The following ADAMTSL1 variants were observed in gnomAD, a reference collection of about 807,000 sequenced individuals.
ADAMTSL1 encodes ADAMTS-like protein 1.
ADAMTSL1 carries 126 observed loss-of-function variants against 201.8 expected under a neutral mutation model. The observed-to-expected ratio is 0.62, with a 90% CI of 0.54 to 0.72. The LOEUF is 0.72. ADAMTSL1 is among the 30% of genes least tolerant of loss of function. ADAMTSL1 has a pLI of 0.00. For synonymous variants in ADAMTSL1, 1,121 were observed against 903.4 expected, an observed-to-expected ratio of 1.24 and a Z score of -4.32; for missense variants, 2,679 against 2,277.8, an observed-to-expected ratio of 1.18 and a Z score of -3.59.
At chr9:18,636,750 T>A (rs901058752) in intron 6 of ADAMTSL1, among the ~76,000 whole-genome samples, 5 of 152,138 alleles carry the variant, frequency 3.3e-5, no homozygotes, top group African/African-American at 1.2e-4. Context: ...TTATAGGCTA[T>A]AAACAAAGAA....
At chr9:18,527,545 C>G (rs1035753602) in intron 2 of ADAMTSL1, among the ~76,000 whole-genome samples, 1 of 152,026 alleles carries the variant, frequency 6.6e-6, no homozygotes, top group African/African-American at 2.4e-5. Context: ...AGTTGTTTGA[C>G]CCTAGAGAAA....
intron 1 of ADAMTSL1, among the ~76,000 whole-genome samples, chr9:18,114,094 G>A (rs1371252209): frequency 6.6e-6 from 1 of 152,126 alleles, no homozygotes; most frequent in Non-Finnish European, 1.5e-5. Context: ...TAGAATCTTA[G>A]AGGTCAAAGA....
At chr9:18,747,192 T>C (rs1177182385) in intron 15 of ADAMTSL1, among the ~76,000 whole-genome samples, 1 of 152,228 alleles carries the variant, frequency 6.6e-6, no homozygotes, top group Non-Finnish European at 1.5e-5. Context: ...TAAGTTTGAA[T>C]GCTGATTCTC....
At chr9:18,817,863 G>A (rs766769696) in intron 21 of ADAMTSL1, among the ~76,000 whole-genome samples, 9 of 152,144 alleles carry the variant, frequency 5.9e-5, no homozygotes, top group Non-Finnish European at 1.0e-4. Flanking sequence ...CAACAGCAGC[G>A]TGGAGCTTGC....
At chr9:18,240,188 G>T (rs1831008560) in intron 2 of ADAMTSL1, among the ~76,000 whole-genome samples, 1 of 152,124 alleles carries the variant, frequency 6.6e-6, no homozygotes. Context: ...TAAATAATAA[G>T]ATGTGAAAGT....
intron 4 of ADAMTSL1, among the ~76,000 whole-genome samples, chr9:18,592,778 A>G (rs189696271): frequency 1.3e-5 from 2 of 152,336 alleles, no homozygotes; most frequent in Admixed American, 1.3e-4. Context: ...GTATTTTGAC[A>G]GAGATTGCAA....
intron 2 of ADAMTSL1, among the ~76,000 whole-genome samples, chr9:18,264,616 AAAG>A (rs1426854327): frequency 6.6e-6 from 1 of 152,198 alleles, no homozygotes; most frequent in African/African-American, 2.4e-5. Flanking sequence ...ATTAGACAGT[AAAG>A]AAGTAGAAAG....
At chr9:18,076,339 C>T (rs1163729544) in intron 1 of ADAMTSL1, among the ~76,000 whole-genome samples, 1 of 152,188 alleles carries the variant, frequency 6.6e-6, no homozygotes, top group Non-Finnish European at 1.5e-5. Context: ...TAGGTATTGT[C>T]CTCCTCGTGA....
intron 2 of ADAMTSL1, among the ~76,000 whole-genome samples, chr9:18,512,001 G>A (rs969903799): frequency 6.6e-6 from 1 of 152,046 alleles, no homozygotes; most frequent in African/African-American, 2.4e-5. Context: ...TATCACCCTT[G>A]TTTTCCTTGG....
chr9:18,524,345 G>C (rs899029482), intron 2 of ADAMTSL1, among the ~76,000 whole-genome samples: 1 of 152,206 alleles, frequency 6.6e-6, no homozygotes, highest in Non-Finnish European at 1.5e-5. Flanking sequence ...TTTGGGCTGA[G>C]ACAGTGGGGT....
chr9:18,892,243 CTATCAA>C, intron 25 of ADAMTSL1, 140 bp from the exon 26 acceptor site: 1 of 738,016 alleles, frequency 1.4e-6, no homozygotes, highest in Non-Finnish European at 2.2e-6. Context: ...ATTTTTCAGC[CTATCAA>C]TCATCTTTCC....
chr9:18,206,570 C>G lies in ADAMTSL1; in HGVS notation c.207+42589C>G, dbSNP rs530422962. Among the ~76,000 whole-genome samples, 187 of 152,274 alleles carry G rather than the reference C, an allele frequency of 1.2e-3. 1 individual carries two copies. The Middle Eastern group carries it at 0.017, about 14-fold the overall frequency. On this transcript the variant is annotated intron_variant, in intron 2 of 29. Coordinates refer to the ADAMTSL1 transcript ENST00000680146. Reference sequence around the variant, plus strand: ...CTCTCATCTTCACACTCCTGAAACACTGAGCAGACTTCTAGCCCTACATTA... The same window carrying G: ...CTCTCATCTTCACACTCCTGAAACAGTGAGCAGACTTCTAGCCCTACATTA...
chr9:18,085,164 A>T (rs564128086), intron 1 of ADAMTSL1, among the ~76,000 whole-genome samples: 1 of 151,810 alleles, frequency 6.6e-6, no homozygotes, highest in South Asian at 2.1e-4. Context: ...AGAGGGCCAG[A>T]TTACACAGGA....
chr9:18,112,748 A>G (rs1454755748), intron 1 of ADAMTSL1, among the ~76,000 whole-genome samples: 1 of 152,172 alleles, frequency 6.6e-6, no homozygotes. Context: ...TACTAGCTCA[A>G]TGTCAATATC....
At chr9:18,427,859 A>C (rs536029995) in intron 2 of ADAMTSL1, among the ~76,000 whole-genome samples, 68 of 152,366 alleles carry the variant, frequency 4.5e-4, no homozygotes, top group African/African-American at 1.6e-3. Flanking sequence ...GAGACTGCTC[A>C]GTTCCTACTC....
chr9:18,601,237 G>C (rs901824322), intron 4 of ADAMTSL1, among the ~76,000 whole-genome samples: 2 of 152,116 alleles, frequency 1.3e-5, no homozygotes, highest in African/African-American at 4.8e-5. Context: ...CTCAACCTAA[G>C]ATCAAAAGGA....
chr9:18,392,796 C>G (rs1480004757), intron 2 of ADAMTSL1, among the ~76,000 whole-genome samples: 1 of 152,114 alleles, frequency 6.6e-6, no homozygotes, highest in African/African-American at 2.4e-5. Context: ...TAATTATGAG[C>G]CAGAGTGAGA....
chr9:18,487,966 G>A lies in ADAMTSL1; in HGVS notation c.63+13671G>A, dbSNP rs544152745. The stretch of plus-strand genomic sequence containing the variant: ...TCATAATTATAGCAGCCATAGTTTA[G>A]TGAGTGGCATTTTTAAAAGGGTTCG... On this transcript the variant is annotated intron_variant, in intron 1 of 28. Transcript: ENST00000380548. Among the ~76,000 whole-genome samples the A allele has an allele frequency of 5.1e-4, 78 of 152,256 alleles. 1 individual carries two copies. In the South Asian group the frequency reaches 5.6e-3, roughly 11 times the overall value.
chr9:17,986,778 C>T (rs754730830), intron 1 of ADAMTSL1, among the ~76,000 whole-genome samples: 6 of 151,950 alleles, frequency 3.9e-5, no homozygotes, highest in Non-Finnish European at 7.4e-5. Context: ...TAGTATTTGG[C>T]CTTAAAAATT....
Sources: allele counts gnomAD v4.1 joint callset (sites outside exome capture counted in the v4.1 genomes callset), GRCh38; gene constraint gnomAD v4.1.1; transcripts MANE v1.5; gene names NCBI Gene and HGNC (gene_info 2026-07-23, HGNC 2026-07-21).